Variants in CADM2 observed in about 807,000 individuals in gnomAD.
CADM2 encodes the protein immunoglobulin superfamily member 4D.
Under a neutral mutation model 49.8 loss-of-function variants are expected in CADM2, and 12 were observed. That is an observed-to-expected ratio of 0.24 (90% CI 0.15 to 0.39). The LOEUF is 0.39. Among genes scored for constraint, CADM2 ranks in the 10% least tolerant of loss-of-function variants. The probability of loss-of-function intolerance (pLI) is 1.00; values close to 1 mark genes in which losing one functional copy is unlikely to be tolerated. For synonymous variants in CADM2, 214 were observed against 175.4 expected, an observed-to-expected ratio of 1.22 and a Z score of -1.74; for missense variants, 378 against 492.3, an observed-to-expected ratio of 0.77 and a Z score of 2.20.
intron 3 of CADM2, among the ~76,000 whole-genome samples, chr3:85,814,818 G>C (rs1056756530): frequency 2.6e-5 from 4 of 151,380 alleles, no homozygotes; most frequent in Admixed American, 6.6e-5. Flanking sequence ...GTGTTCTATA[G>C]AATATAGAAT....
intron 2 of CADM2, among the ~76,000 whole-genome samples, chr3:85,791,569 AGAGAAAAG>A (rs1442863663): frequency 6.6e-6 from 1 of 151,456 alleles, no homozygotes; most frequent in Admixed American, 6.6e-5. Flanking sequence ...AGAGAGAGAG[AGAGAAAAG>A]AAAGAGAGAC....
At chr3:86,029,574 T>G (rs1006072574) in intron 8 of CADM2, among the ~76,000 whole-genome samples, 1 of 151,912 alleles carries the variant, frequency 6.6e-6, no homozygotes, top group African/African-American at 2.4e-5. Flanking sequence ...TGTCTTTTCC[T>G]GGGCCTAGGA....
At chr3:85,242,758 T>G (rs2042559722) in intron 1 of CADM2, among the ~76,000 whole-genome samples, 2 of 151,818 alleles carry the variant, frequency 1.3e-5, no homozygotes, top group Non-Finnish European at 3.0e-5. Context: ...CAAATACATA[T>G]TTTTCATTTT....
chr3:85,770,778 T>G (rs1481642407), intron 2 of CADM2, among the ~76,000 whole-genome samples: 1 of 152,184 alleles, frequency 6.6e-6, no homozygotes, highest in Admixed American at 6.5e-5. Context: ...ACTAACTTCC[T>G]TTCTCGTTCA....
At chr3:85,243,737 T>C (rs754749396) in intron 1 of CADM2, among the ~76,000 whole-genome samples, 12 of 151,908 alleles carry the variant, frequency 7.9e-5, no homozygotes, top group Non-Finnish European at 1.8e-4. Context: ...GAGAAAAAAT[T>C]AACATTTCTA....
chr3:85,722,520 CT>C (rs1364193635), intron 1 of CADM2, among the ~76,000 whole-genome samples: 1 of 152,178 alleles, frequency 6.6e-6, no homozygotes, highest in Non-Finnish European at 1.5e-5. Flanking sequence ...ATCCATAGTG[CT>C]TTAGCTCTCC....
chr3:85,919,526 C>T (rs911047353), intron 6 of CADM2, among the ~76,000 whole-genome samples: 4 of 151,738 alleles, frequency 2.6e-5, no homozygotes, highest in Non-Finnish European at 5.9e-5. Flanking sequence ...ACGTTTGGGT[C>T]CAATTGTTAC....
chr3:85,874,366 A>G (rs1711535121), intron 3 of CADM2, among the ~76,000 whole-genome samples: 1 of 152,156 alleles, frequency 6.6e-6, no homozygotes. Flanking sequence ...ATAAATAACA[A>G]GGGCTGGTTT....
At chr3:85,389,698 T>A (rs751050791) in intron 1 of CADM2, among the ~76,000 whole-genome samples, 9 of 152,208 alleles carry the variant, frequency 5.9e-5, no homozygotes, top group Middle Eastern at 3.4e-3. Context: ...GTAGTTTTCC[T>A]TTTTCTTATT....
chr3:85,818,975 G>T (rs2073390840), intron 3 of CADM2, among the ~76,000 whole-genome samples: 1 of 152,006 alleles, frequency 6.6e-6, no homozygotes, highest in South Asian at 2.1e-4. Context: ...ATGGTCATCT[G>T]CAAGGTGAGG....
intron 3 of CADM2, among the ~76,000 whole-genome samples, chr3:85,806,409 G>A (rs1262311633): frequency 6.6e-6 from 1 of 152,110 alleles, no homozygotes; most frequent in African/African-American, 2.4e-5. Flanking sequence ...GGAGGTGTAA[G>A]TTTCCAAGGG....
intron 1 of CADM2, among the ~76,000 whole-genome samples, chr3:85,370,219 A>AATAATAATAATAATG (rs2033115274): frequency 9.1e-6 from 1 of 109,330 alleles, no homozygotes; most frequent in African/African-American, 3.9e-5. Context: ...TTTTCAAAAT[A>AATAATAATAATAATG]ATAATAATAA....
At chr3:85,172,959 A>G (rs942696637) in intron 1 of CADM2, among the ~76,000 whole-genome samples, 8 of 146,552 alleles carry the variant, frequency 5.5e-5, no homozygotes, top group Non-Finnish European at 3.0e-5. Context: ...ACATAAACAT[A>G]TATATATATG....
intron 2 of CADM2, among the ~76,000 whole-genome samples, chr3:85,730,189 C>T (rs1027098260): frequency 6.6e-6 from 1 of 152,092 alleles, no homozygotes; most frequent in South Asian, 2.1e-4. Flanking sequence ...TGCCTGTAAT[C>T]CCAGCACTTT....
At chr3:85,633,464 G>T (rs2064370954) in intron 1 of CADM2, among the ~76,000 whole-genome samples, 1 of 151,906 alleles carries the variant, frequency 6.6e-6, no homozygotes, top group Admixed American at 6.6e-5. Context: ...TATGTCAATG[G>T]TGCTCAATTT....
intron 3 of CADM2, among the ~76,000 whole-genome samples, chr3:85,837,399 C>G (rs993779101): frequency 2.0e-5 from 3 of 150,546 alleles, no homozygotes; most frequent in Non-Finnish European, 3.0e-5. Context: ...CTCCTTTTAC[C>G]TATAATTTAA....
intron 1 of CADM2, among the ~76,000 whole-genome samples, chr3:85,088,996 T>C (rs2037493179): frequency 6.6e-6 from 1 of 152,092 alleles, no homozygotes; most frequent in Non-Finnish European, 1.5e-5. Flanking sequence ...CCTGATGACA[T>C]GGGAATTTGC....
chr3:85,880,194 A>G (rs1712536617), intron 3 of CADM2, among the ~76,000 whole-genome samples: 1 of 152,202 alleles, frequency 6.6e-6, no homozygotes, highest in African/African-American at 2.4e-5. Context: ...GACACAGTCT[A>G]CTAGTAGCAA....
In CADM2 at chr3:85,661,082, G is replaced by A. The variant is rs557816638; in HGVS notation, c.62-65440G>A. On this transcript the variant is annotated intron_variant, in intron 1 of 9. Transcript: ENST00000383699. ...ATTGCATGAGGCAATTTTAACCATTGCTGTGAACTTGGGTTATTCATCCTC... is the reference window on the plus strand; with the variant it reads ...ATTGCATGAGGCAATTTTAACCATTACTGTGAACTTGGGTTATTCATCCTC... Among the ~76,000 whole-genome samples, 9 of 152,224 alleles carry A rather than the reference G, an allele frequency of 5.9e-5. 1 individual carries two copies. Among genetic ancestry groups the A allele is most frequent in the African/African-American group, 1.9e-4 (8 of 41,574 alleles).
Sources: gnomAD v4.1 joint callset for allele counts (sites outside exome capture counted in the v4.1 genomes callset) on GRCh38, gnomAD v4.1.1 for gene constraint, MANE v1.5 for transcripts, NCBI Gene and HGNC (gene_info 2026-07-23, HGNC 2026-07-21) for gene names.